Variants in ADAM12 observed in about 807,000 individuals in gnomAD.
ADAM12 encodes ADAM metallopeptidase domain 12.
ADAM12 carries 70 observed loss-of-function variants against 106.4 expected under a neutral mutation model. The ratio of observed to expected loss-of-function variants is 0.66; its 90% CI spans 0.54 to 0.80. The LOEUF (loss-of-function observed/expected upper bound fraction) is 0.80, where lower values mean the gene tolerates loss of function less well. Among genes scored for constraint, ADAM12 ranks in the 30% least tolerant of loss-of-function variants. The pLI is 0.00. For synonymous variants in ADAM12, 420 were observed against 433.5 expected, an observed-to-expected ratio of 0.97 and a Z score of 0.39; for missense variants, 1,010 against 1,171.9, an observed-to-expected ratio of 0.86 and a Z score of 2.02.
chr10:126,178,157 C>T (rs1013137260), intron 3 of ADAM12, among the ~76,000 whole-genome samples: 2 of 151,916 alleles, frequency 1.3e-5, no homozygotes, highest in Non-Finnish European at 2.9e-5. Flanking sequence ...AAACTCCCTT[C>T]TATATAAATG....
At chr10:126,151,301 C>T (rs529939965) in intron 4 of ADAM12, among the ~76,000 whole-genome samples, 2 of 152,272 alleles carry the variant, frequency 1.3e-5, no homozygotes, top group South Asian at 4.1e-4. Flanking sequence ...TAGCATTCTC[C>T]ACTCACAAAA....
chr10:126,133,964 C>A (rs1046768373), intron 5 of ADAM12, among the ~76,000 whole-genome samples: 6 of 152,196 alleles, frequency 3.9e-5, no homozygotes, highest in African/African-American at 1.4e-4. Context: ...TCCTTGACAT[C>A]ATGTATCTTA....
At chr10:126,146,461 C>G (rs1162809192) in intron 4 of ADAM12, among the ~76,000 whole-genome samples, 1 of 152,130 alleles carries the variant, frequency 6.6e-6, no homozygotes, top group Non-Finnish European at 1.5e-5. Flanking sequence ...AATGAAGAAG[C>G]AGATAAGCTA....
Position 126,225,917 on chromosome 10 carries a change from A to G in ADAM12, c.260+52998T>C, listed in dbSNP as rs115774378. On this transcript the variant is annotated intron_variant, in intron 3 of 22. Transcript: ENST00000448723. ...CTCCAGCCTCCCTTCCAAATGGAAC[A>G]AAGTCGAAGCCTTTCGCAGCTTTAA... is the stretch of plus-strand genomic sequence containing the variant. Among the ~76,000 whole-genome samples the G allele has an allele frequency of 3.7e-3, 570 of 152,278 alleles. 4 individuals carry two copies. The highest frequency in any genetic ancestry group is 0.013 in the African/African-American group (530 of 41,548).
chr10:126,091,246 C>T (rs764171635), intron 11 of ADAM12, among the ~76,000 whole-genome samples: 3 of 152,204 alleles, frequency 2.0e-5, no homozygotes, highest in Non-Finnish European at 4.4e-5. Flanking sequence ...GACATGTGAT[C>T]TCATTGAGTC....
At chr10:126,018,744 G>C (rs941954237) in intron 22 of ADAM12, among the ~76,000 whole-genome samples, 3 of 152,126 alleles carry the variant, frequency 2.0e-5, no homozygotes, top group African/African-American at 7.2e-5. Flanking sequence ...CATAAGTTGG[G>C]ATTGAGGTCT....
rs554190869 is a variant in ADAM12 at position 126,356,835 on chromosome 10, A to C, written c.89-26326T>G. Reference sequence around the variant, plus strand: ...CTAGAGATAAAGAATACAATGGCTAAACTTTAAAAATGCAATAGAAAGCTT... The same window carrying C: ...CTAGAGATAAAGAATACAATGGCTACACTTTAAAAATGCAATAGAAAGCTT... On this transcript the variant is annotated intron_variant, in intron 1 of 22. Coordinates refer to ENST00000448723, the MANE Select transcript of ADAM12 (RefSeq NM_001288973.2). Among the ~76,000 whole-genome samples, 6 of 152,324 alleles carry C rather than the reference A, an allele frequency of 3.9e-5. No homozygotes were observed. In the South Asian group the frequency reaches 1.2e-3, roughly 32 times the overall value.
At chr10:126,375,105 T>C (rs1856237091) in intron 1 of ADAM12, among the ~76,000 whole-genome samples, 1 of 152,126 alleles carries the variant, frequency 6.6e-6, no homozygotes, top group Non-Finnish European at 1.5e-5. Flanking sequence ...TATCCATACA[T>C]ACCTAGACTA....
At chr10:126,041,921 C>T in intron 18 of ADAM12, 2 of 1,413,126 alleles carry the variant, frequency 1.4e-6, no homozygotes, top group South Asian at 1.6e-5. Flanking sequence ...AGAAGCTCAA[C>T]CAGGAAGTCG....
chr10:126,155,311 G>T lies in ADAM12; in HGVS notation c.261-6C>A. ...AACTGCTGGCAATGAGACCTCTGCG[G>T]AAAAACAAAAACACCATAAAAAGAT... On this transcript the variant is annotated splice_polypyrimidine_tract_variant and splice_region_variant and intron_variant, in intron 3 of 22. Transcript: ENST00000448723. 6.2e-7 allele frequency: 1 copy of T among 1,612,750 alleles called. No individual in the cohort carries two copies. The highest frequency in any genetic ancestry group is 8.5e-7 in the Non-Finnish European group (1 of 1,179,044).
chr10:126,206,130 C>T (rs895573156), intron 3 of ADAM12, among the ~76,000 whole-genome samples: 2 of 152,116 alleles, frequency 1.3e-5, no homozygotes, highest in Admixed American at 1.3e-4. Context: ...AATAACTAGA[C>T]CACAAAACCC....
intron 4 of ADAM12, among the ~76,000 whole-genome samples, chr10:126,143,466 G>A (rs1175470187): frequency 6.6e-6 from 1 of 151,378 alleles, no homozygotes; most frequent in Non-Finnish European, 1.5e-5. Context: ...GTGTGTATAT[G>A]TATGTGTGTA....
In ADAM12 at chr10:126,049,762, G is replaced by A. The variant is rs973579090; in HGVS notation, c.1610-93C>T. The A allele has an allele frequency of 1.8e-6, 2 of 1,131,160 alleles. No homozygotes were observed. The highest frequency in any genetic ancestry group is 2.5e-5 in the East Asian group (1 of 40,058). 70.1% of individuals were successfully genotyped at this position (1,131,160 alleles called of 1,614,324 possible). On this transcript the variant is annotated intron_variant, in intron 14 of 22. Coordinates refer to ENST00000448723, the MANE Select transcript of ADAM12 (RefSeq NM_001288973.2). The surrounding 1 kb of genome is among the most constrained non-coding windows in gnomAD (Gnocchi z 4.4). ...CTCTCAAATGGTTACGGGGAGACGT[G>A]CTCAAAGCAATCACACCCAGTGTCT... is the stretch of plus-strand genomic sequence containing the variant.
chr10:126,179,482 G>A (rs893606702), intron 3 of ADAM12, among the ~76,000 whole-genome samples: 1 of 152,142 alleles, frequency 6.6e-6, no homozygotes. Context: ...CAATTCTAGA[G>A]AGAAAGTTCA....
At chr10:126,222,163 G>C (rs902149609) in intron 3 of ADAM12, among the ~76,000 whole-genome samples, 1 of 152,190 alleles carries the variant, frequency 6.6e-6, no homozygotes, top group Non-Finnish European at 1.5e-5. Flanking sequence ...TACAGGGACT[G>C]CTCATAGGTG....
At position 126,064,951 on chromosome 10, in the gene ADAM12, G is replaced by A; in HGVS notation, c.1464C>T (p.Leu488=). ...GGCTGGCCCCTGTGCAGAACTCTGG[G>A]AGGTCACAGGAGTTGCTGGAGTCCC... ...ACRDSSNSCD[L]PEFCTGASPH... The change falls in exon 14 of 23, where the codon CTC becomes CTT. Residue 488 remains leucine, a synonymous_variant. Transcript: ENST00000448723. This position sits in a 1 kb window ranked among gnomAD's most constrained non-coding sequence, Gnocchi z 4.4. 1 of 1,613,126 alleles carries A rather than the reference G, an allele frequency of 6.2e-7. No individual in the cohort carries two copies. The highest frequency in any genetic ancestry group is 1.7e-4 in the Middle Eastern group (1 of 6,052).
chr10:126,348,319 C>T (rs1015204428), intron 1 of ADAM12, among the ~76,000 whole-genome samples: 10 of 152,038 alleles, frequency 6.6e-5, no homozygotes, highest in African/African-American at 1.2e-4. Context: ...TCAGTTGAGG[C>T]GGTCCAGGAT....
At chr10:126,024,950 C>G (rs958562971) in intron 21 of ADAM12, among the ~76,000 whole-genome samples, 4 of 152,100 alleles carry the variant, frequency 2.6e-5, no homozygotes, top group African/African-American at 9.7e-5. Flanking sequence ...ACTGAGGCTA[C>G]TGGGGTCTGG....
intron 6 of ADAM12, among the ~76,000 whole-genome samples, chr10:126,111,970 G>A (rs978843426): frequency 4.6e-5 from 7 of 152,196 alleles, no homozygotes; most frequent in Non-Finnish European, 1.0e-4. Context: ...TTTGAAACTG[G>A]TTGCTGAAGA....
Sources: gnomAD v4.1 joint callset for allele counts (sites outside exome capture counted in the v4.1 genomes callset) on GRCh38, gnomAD v4.1.1 for gene constraint, Gnocchi (gnomAD v3.1) non-coding constraint, MANE v1.5 for transcripts, NCBI Gene and HGNC (gene_info 2026-07-23, HGNC 2026-07-21) for gene names.